PDE4D: variants seen among roughly 807,000 people sequenced by gnomAD.
PDE4D encodes the protein phosphodiesterase 4D, also known as 3',5'-cyclic-AMP phosphodiesterase 4D.
A neutral mutation model predicts 87.4 loss-of-function variants in PDE4D; 24 were observed. That is an observed-to-expected ratio of 0.27 (90% CI 0.20 to 0.39). The LOEUF (loss-of-function observed/expected upper bound fraction) is 0.39. Among genes scored for constraint, PDE4D ranks in the 10% least tolerant of loss-of-function variants. PDE4D has a pLI of 1.00. For synonymous variants in PDE4D, 384 were observed against 383.2 expected, an observed-to-expected ratio of 1.00 and a Z score of -0.02; for missense variants, 714 against 1,041.0, an observed-to-expected ratio of 0.69 and a Z score of 4.32.
intron 1 of PDE4D, among the ~76,000 whole-genome samples, chr5:59,676,130 C>T (rs988488954): frequency 9.2e-5 from 14 of 152,032 alleles, no homozygotes; most frequent in Non-Finnish European, 1.9e-4. Context: ...TTTAATAACA[C>T]AAGCATGCAC....
intron 5 of PDE4D, among the ~76,000 whole-genome samples, chr5:59,159,927 T>G (rs997962415): frequency 6.6e-6 from 1 of 152,128 alleles, no homozygotes; most frequent in Non-Finnish European, 1.5e-5. Flanking sequence ...CCAGATTTGC[T>G]GCTCGTTACT....
At chr5:59,170,881 C>CTT (rs1260829199) in intron 5 of PDE4D, among the ~76,000 whole-genome samples, 6 of 138,534 alleles carry the variant, frequency 4.3e-5, no homozygotes, top group Non-Finnish European at 3.2e-5. Flanking sequence ...TATACTTTCA[C>CTT]TTTTTTTTTT....
chr5:59,668,821 AGAAGAAGAAGAGGAAGAG>A (rs1561440834), intron 1 of PDE4D, among the ~76,000 whole-genome samples: 3 of 93,942 alleles, frequency 3.2e-5, no homozygotes, highest in African/African-American at 1.5e-4. Context: ...AAGAAGAAGA[AGAAGAAGAAGAGGAAGAG>A]GAAGAGGAAG....
intron 1 of PDE4D, chr5:59,217,110 T>C (rs996746356): frequency 9.1e-6 from 4 of 439,048 alleles, no homozygotes; most frequent in Admixed American, 2.6e-5. Flanking sequence ...CTTAACGTCA[T>C]AGTCCTTATA....
chr5:60,315,372 G>A (rs1271407287), intron 1 of PDE4D, among the ~76,000 whole-genome samples: 2 of 152,164 alleles, frequency 1.3e-5, no homozygotes, highest in Admixed American at 6.5e-5. Context: ...GTTCATTGTA[G>A]ATTCTGGATA....
intron 2 of PDE4D, among the ~76,000 whole-genome samples, chr5:60,129,931 A>C (rs765056382): frequency 3.3e-5 from 5 of 152,106 alleles, no homozygotes; most frequent in Non-Finnish European, 7.4e-5. Flanking sequence ...CCTAATCACC[A>C]ATGTGATGAT....
Position 59,893,492 on chromosome 5 carries a change from C to G in PDE4D, c.131G>C (p.Arg44Pro), listed in dbSNP as rs1279095632. Residue 44 changes from arginine to proline, a missense_variant, in exon 1 of 15, where the codon CGG (arginine) becomes CCG (proline). Arg to Pro is a moderately radical substitution (Grantham distance 103). This residue lies in a region of PDE4D where 268 missense variants were observed against 272.9 expected (regional missense o/e 0.98). Transcript: ENST00000340635. ...ATGCAGGAGGCGGAACTGGGGCTGC[C>G]GGAGCGGGTACTGGTGGTGCTGCTC... ...RHEQHHQYPL[R>P]QPQFRLLHPH... 3.2e-6 allele frequency: 5 copies of G among 1,540,246 alleles called. No individual in the cohort carries two copies. The Admixed American group carries it at 1.0e-4, about 31-fold the overall frequency.
intron 2 of PDE4D, chr5:60,021,162 G>A (rs1766024292): frequency 6.6e-6 from 1 of 152,138 alleles, no homozygotes; most frequent in African/African-American, 2.4e-5. Context: ...ATAAAAGTTA[G>A]CCCTCCTACA....
chr5:60,201,206 C>CAAAAAAAAAA (rs1161235940), intron 1 of PDE4D, among the ~76,000 whole-genome samples: 4 of 61,882 alleles, frequency 6.5e-5, no homozygotes, highest in Non-Finnish European at 1.2e-4. Context: ...AAAAAGAAAG[C>CAAAAAAAAAA]AAAAAAAAAA....
At chr5:60,060,129 A>G (rs1450050465) in intron 2 of PDE4D, among the ~76,000 whole-genome samples, 1 of 152,102 alleles carries the variant, frequency 6.6e-6, no homozygotes, top group Non-Finnish European at 1.5e-5. Flanking sequence ...TAATTATTCT[A>G]TGAGAGATTT....
At chr5:59,260,734 T>C (rs1761853345) in intron 1 of PDE4D, among the ~76,000 whole-genome samples, 2 of 151,250 alleles carry the variant, frequency 1.3e-5, no homozygotes, top group Non-Finnish European at 3.0e-5. Context: ...AAACAAAGCT[T>C]CAAAAAAGCT....
At chr5:59,244,197 A>G (rs1012707938) in intron 1 of PDE4D, among the ~76,000 whole-genome samples, 1 of 152,002 alleles carries the variant, frequency 6.6e-6, no homozygotes, top group Non-Finnish European at 1.5e-5. Context: ...CAGGAGTTCA[A>G]GACCACCCTG....
At chr5:60,223,141 T>A (rs1744684523) in intron 1 of PDE4D, among the ~76,000 whole-genome samples, 1 of 152,060 alleles carries the variant, frequency 6.6e-6, no homozygotes, top group Admixed American at 6.6e-5. Flanking sequence ...TGACCCTTAG[T>A]ACATGGAGGC....
intron 1 of PDE4D, among the ~76,000 whole-genome samples, chr5:59,691,684 C>A (rs1580452337): frequency 1.3e-5 from 2 of 149,700 alleles, no homozygotes. Flanking sequence ...CGAACCTTCA[C>A]GTTGTGCTCA....
intron 1 of PDE4D, among the ~76,000 whole-genome samples, chr5:59,599,986 C>T (rs1827264411): frequency 6.6e-6 from 1 of 152,194 alleles, no homozygotes; most frequent in South Asian, 2.1e-4. Flanking sequence ...TTTGTGGGTT[C>T]ATAATTGGTA....
intron 2 of PDE4D, among the ~76,000 whole-genome samples, chr5:60,120,473 G>A (rs907267315): frequency 2.0e-5 from 3 of 152,028 alleles, no homozygotes; most frequent in Admixed American, 6.6e-5. Context: ...TAGACAGTGG[G>A]TGATCTGCAG....
At chr5:59,104,648 A>G (rs1260952583) in intron 5 of PDE4D, among the ~76,000 whole-genome samples, 1 of 152,146 alleles carries the variant, frequency 6.6e-6, no homozygotes, top group Non-Finnish European at 1.5e-5. Context: ...GTTTTATTCA[A>G]TAGAAGAAAG....
At chr5:60,290,183 G>A (rs918835577) in intron 1 of PDE4D, among the ~76,000 whole-genome samples, 1 of 152,086 alleles carries the variant, frequency 6.6e-6, no homozygotes, top group African/African-American at 2.4e-5. Context: ...GCCAGTGTGG[G>A]GATGGGTTGA....
At chr5:59,616,711 G>A (rs1014804965) in intron 1 of PDE4D, among the ~76,000 whole-genome samples, 1 of 151,554 alleles carries the variant, frequency 6.6e-6, no homozygotes, top group Non-Finnish European at 1.5e-5. Context: ...TTGTACTCTA[G>A]CAGGTTTCAA....
Sources: allele counts gnomAD v4.1 joint callset (sites outside exome capture counted in the v4.1 genomes callset), GRCh38; gene constraint gnomAD v4.1.1; regional missense constraint gnomAD v4.1.1; transcripts MANE v1.5; gene names NCBI Gene and HGNC (gene_info 2026-07-23, HGNC 2026-07-21).